The following PDPN variants were observed in gnomAD, a reference collection of about 807,000 sequenced individuals.
The protein encoded by PDPN is podoplanin, also known as PA2.26 antigen.
Under a neutral mutation model 23.2 loss-of-function variants are expected in PDPN, and 12 were observed. That is an observed-to-expected ratio of 0.52 (90% CI 0.33 to 0.84). The LOEUF (loss-of-function observed/expected upper bound fraction) is 0.84. Among genes scored for constraint, PDPN ranks in the 40% least tolerant of loss-of-function variants. The pLI is 0.02. For synonymous variants in PDPN, 77 were observed against 76.7 expected, an observed-to-expected ratio of 1.00 and a Z score of -0.02; for missense variants, 199 against 212.2, an observed-to-expected ratio of 0.94 and a Z score of 0.39.
chr1:13,590,940 A>G (rs1301547405), intron 1 of PDPN, among the ~76,000 whole-genome samples: 1 of 151,738 alleles, frequency 6.6e-6, no homozygotes, highest in Non-Finnish European at 1.5e-5. Flanking sequence ...AATGAGACCA[A>G]ATTTCTTTTC....
In PDPN at chr1:13,616,366, A is replaced by G. The variant is rs1641074087; in HGVS notation, c.*455A>G. ...CAGTAAATAGCACCAGCATTTTGCA[A>G]TTGCTGATCTGCTGAAATGTACACA... On this transcript the variant is annotated 3_prime_UTR_variant, in exon 6 of 6. Coordinates refer to ENST00000621990, the MANE Select transcript of PDPN (RefSeq NM_006474.5). 5.3e-6 allele frequency: 1 copy of G among 187,214 alleles called. No individual in the cohort carries two copies. Among genetic ancestry groups the G allele is most frequent in the Non-Finnish European group, 1.1e-5 (1 of 89,052 alleles). The allele number at this position is 187,214 out of a possible 1,614,324, so 11.6% of individuals were successfully genotyped here.
Position 13,583,860 on chromosome 1 carries a change from A to G in PDPN, c.-174A>G. 1.3e-6 allele frequency: 2 copies of G among 1,596,426 alleles called. No individual in the cohort carries two copies. Among genetic ancestry groups the G allele is most frequent in the Non-Finnish European group, 1.7e-6 (2 of 1,171,790 alleles). ...TGCAAAGTTTGCTGTCCGGCTGCCT[A>G]GGGTCTGGGAAGCTCGGGCACCCTC... On this transcript the variant is annotated 5_prime_UTR_variant, in exon 1 of 6. Transcript: ENST00000621990.
At chr1:13,584,657 T>A (rs955666453) in intron 1 of PDPN, among the ~76,000 whole-genome samples, 4 of 152,188 alleles carry the variant, frequency 2.6e-5, no homozygotes, top group Non-Finnish European at 5.9e-5. Flanking sequence ...GCCTCCTTTA[T>A]CCTCTTTAGA....
intron 1 of PDPN, among the ~76,000 whole-genome samples, chr1:13,597,707 G>T (rs757109743): frequency 1.3e-5 from 2 of 152,158 alleles, no homozygotes; most frequent in African/African-American, 4.8e-5. Flanking sequence ...GCTGTAACAG[G>T]TGGTAAAATG....
At chr1:13,593,490 T>A (rs1310413044) in intron 1 of PDPN, among the ~76,000 whole-genome samples, 1 of 152,042 alleles carries the variant, frequency 6.6e-6, no homozygotes, top group African/African-American at 2.4e-5. Context: ...AAAACAACTA[T>A]TTTCTAAAAA....
chr1:13,589,972 C>T (rs1340719341), intron 1 of PDPN, among the ~76,000 whole-genome samples: 1 of 152,198 alleles, frequency 6.6e-6, no homozygotes, highest in Non-Finnish European at 1.5e-5. Context: ...GGATTACAGG[C>T]ATGTGCCACC....
chr1:13,591,752 T>A (rs575023333), intron 1 of PDPN, among the ~76,000 whole-genome samples: 1 of 152,356 alleles, frequency 6.6e-6, no homozygotes, highest in South Asian at 2.1e-4. Context: ...TGAATAGCAG[T>A]AGCACAGTCA....
At chr1:13,594,036 C>A (rs1640424773) in intron 1 of PDPN, among the ~76,000 whole-genome samples, 1 of 152,170 alleles carries the variant, frequency 6.6e-6, no homozygotes, top group African/African-American at 2.4e-5. Flanking sequence ...AATCAGCAGC[C>A]TCTAATGTGA....
At chr1:13,598,716 C>T (rs1051588783) in intron 1 of PDPN, among the ~76,000 whole-genome samples, 16 of 152,148 alleles carry the variant, frequency 1.1e-4, no homozygotes, top group Non-Finnish European at 2.9e-5. Flanking sequence ...ACCATCCTCC[C>T]TCCCGTGCAG....
intron 1 of PDPN, among the ~76,000 whole-genome samples, chr1:13,603,443 A>G (rs1557545227): frequency 6.6e-6 from 1 of 152,230 alleles, no homozygotes; most frequent in Non-Finnish European, 1.5e-5. Flanking sequence ...GTTATTAGAC[A>G]TGAATGCAAA....
intron 1 of PDPN, among the ~76,000 whole-genome samples, chr1:13,596,742 G>A (rs964535891): frequency 6.6e-6 from 1 of 152,210 alleles, no homozygotes; most frequent in East Asian, 1.9e-4. Flanking sequence ...CGGGCTACAG[G>A]ACACAAGGGA....
intron 1 of PDPN, among the ~76,000 whole-genome samples, chr1:13,588,032 G>C (rs1047813780): frequency 2.6e-5 from 4 of 152,196 alleles, no homozygotes; most frequent in East Asian, 1.9e-4. Context: ...AGTCCAGGGG[G>C]AAGTACGCAG....
intron 5 of PDPN, 30 bp from the exon 6 acceptor site, chr1:13,615,875 C>G (rs567223952): frequency 6.2e-7 from 1 of 1,607,144 alleles, no homozygotes; most frequent in Non-Finnish European, 8.5e-7. Context: ...CAGTAAGAGA[C>G]ACGACCGTCA....
At chr1:13,584,474 A>G in intron 1 of PDPN, 4 of 608,192 alleles carry the variant, frequency 6.6e-6, no homozygotes, top group Non-Finnish European at 1.1e-5. Flanking sequence ...TGTTGGAGGA[A>G]TACGCACGCC....
At chr1:13,596,539 T>C (rs1226216992) in intron 1 of PDPN, among the ~76,000 whole-genome samples, 1 of 152,230 alleles carries the variant, frequency 6.6e-6, no homozygotes, top group Non-Finnish European at 1.5e-5. Context: ...TCACGACCAG[T>C]GGCTGCTTGA....
In PDPN at chr1:13,610,460, C is replaced by T. The variant is rs189019995; in HGVS notation, c.275C>T (p.Ala92Val). 223 of 1,614,066 alleles carry T rather than the reference C, an allele frequency of 1.4e-4. 1 individual carries two copies. Among genetic ancestry groups the T allele is most frequent in the East Asian group, 3.8e-4 (17 of 44,886 alleles). The stretch of plus-strand genomic sequence containing the variant: ...CCAACTTCAGAAAGCACAGTCCACG[C>T]GCAAGAACAAAGTCCAAGCGCCACA... ...DLPTSESTVH[A>V]QEQSPSATAS... is the part of the protein sequence containing the mutation. Residue 92 changes from alanine (A) to valine (V), a missense_variant, in exon 3 of 6, where the codon GCG becomes GTG. Coordinates refer to ENST00000621990, the MANE Select transcript of PDPN (RefSeq NM_006474.5).
intron 1 of PDPN, among the ~76,000 whole-genome samples, chr1:13,592,823 T>A (rs534707296): frequency 7.2e-5 from 11 of 152,308 alleles, no homozygotes; most frequent in African/African-American, 2.2e-4. Flanking sequence ...GTGCTGGGAT[T>A]ACAGGCGTGA....
At position 13,615,274 on chromosome 1, in the gene PDPN, T is replaced by A. The variant is rs550451791; in HGVS notation, c.483-631T>A. ...ACACTCATGGCCAGAGGAAACCTTT[T>A]TCTTTCTCTTTCTTTTTCTTTTTCT... On this transcript the variant is annotated intron_variant, in intron 5 of 5. Coordinates refer to ENST00000621990, the MANE Select transcript of PDPN (RefSeq NM_006474.5). Among the ~76,000 whole-genome samples, 5 of 146,918 alleles carry A rather than the reference T, an allele frequency of 3.4e-5. No individual in the cohort carries two copies. In the South Asian group the frequency reaches 1.1e-3, roughly 33 times the overall value.
intron 3 of PDPN, among the ~76,000 whole-genome samples, chr1:13,613,050 A>C (rs7518611): frequency 6.6e-6 from 1 of 151,978 alleles, no homozygotes; most frequent in Non-Finnish European, 1.5e-5. Flanking sequence ...CACAATGACA[A>C]ATACTCACCT....
Sources: gnomAD v4.1 joint callset for allele counts (sites outside exome capture counted in the v4.1 genomes callset) on GRCh38, gnomAD v4.1.1 for gene constraint, MANE v1.5 for transcripts, NCBI Gene and HGNC (gene_info 2026-07-23, HGNC 2026-07-21) for gene names.